TPRG1: variants seen among roughly 807,000 people sequenced by gnomAD.
TPRG1 encodes tumor protein p63-regulated gene 1 protein.
A neutral mutation model predicts 29.3 loss-of-function variants in TPRG1; 29 were observed. The observed-to-expected ratio is 0.99, with a 90% CI of 0.74 to 1.35. The LOEUF is 1.35. Among genes scored for constraint, TPRG1 ranks in the 40% most tolerant of loss-of-function variants. The pLI, the probability that TPRG1 is intolerant of heterozygous loss-of-function variation, is 0.00. For synonymous variants in TPRG1, 130 were observed against 116.8 expected, an observed-to-expected ratio of 1.11 and a Z score of -0.73; for missense variants, 327 against 335.0, an observed-to-expected ratio of 0.98 and a Z score of 0.19.
chr3:189,158,605 T>C (rs1384858621), intron 5 of TPRG1, among the ~76,000 whole-genome samples: 1 of 151,626 alleles, frequency 6.6e-6, no homozygotes, highest in African/African-American at 2.4e-5. Context: ...TAATACTCCA[T>C]CTCAAAAAAT....
intron 3 of TPRG1, among the ~76,000 whole-genome samples, chr3:189,226,069 C>T (rs1237635713): frequency 6.6e-6 from 1 of 152,196 alleles, no homozygotes; most frequent in Non-Finnish European, 1.5e-5. Context: ...GAGACTTCAA[C>T]AGTCTTCTCT....
At chr3:189,312,184 TTTTTC>T (rs1722764086) in intron 5 of TPRG1, among the ~76,000 whole-genome samples, 1 of 42,504 alleles carries the variant, frequency 2.4e-5, no homozygotes, top group Non-Finnish European at 4.7e-5. Context: ...TTTCTTTCTT[TTTTTC>T]TTTCTTTCTT....
At chr3:189,029,683 C>T (rs1483345213) in intron 4 of TPRG1, among the ~76,000 whole-genome samples, 1 of 152,076 alleles carries the variant, frequency 6.6e-6, no homozygotes, top group Non-Finnish European at 1.5e-5. Context: ...ATGTAATCTC[C>T]AATGTTGGAG....
intron 2 of TPRG1, among the ~76,000 whole-genome samples, chr3:189,210,730 G>A (rs535251825): frequency 1.3e-5 from 2 of 152,306 alleles, no homozygotes; most frequent in South Asian, 2.1e-4. Flanking sequence ...AGGGGGAGTC[G>A]CTTGCTCAAT....
intron 4 of TPRG1, among the ~76,000 whole-genome samples, chr3:189,277,620 T>C (rs1716394331): frequency 6.6e-6 from 1 of 152,222 alleles, no homozygotes; most frequent in Non-Finnish European, 1.5e-5. Flanking sequence ...AATCAAAGTT[T>C]AACGTCTTGA....
intron 3 of TPRG1, among the ~76,000 whole-genome samples, chr3:189,017,295 T>A (rs915425294): frequency 5.9e-5 from 9 of 152,032 alleles, no homozygotes; most frequent in African/African-American, 2.2e-4. Flanking sequence ...TAGTTACATA[T>A]GTATACATGT....
chr3:189,308,572 A>C (rs973128302), intron 4 of TPRG1, among the ~76,000 whole-genome samples: 2 of 152,176 alleles, frequency 1.3e-5, no homozygotes, highest in African/African-American at 4.8e-5. Context: ...GAACTTGCAT[A>C]TTTGGAAGTA....
chr3:189,280,215 C>A (rs759244956), intron 4 of TPRG1, among the ~76,000 whole-genome samples: 1 of 150,294 alleles, frequency 6.7e-6, no homozygotes, highest in Non-Finnish European at 1.5e-5. Flanking sequence ...AAAGCAGCCA[C>A]GGGCAATATA....
rs1405868964 is a variant in TPRG1, at chr3:189,215,354, G to C, written c.273G>C (p.Glu91Asp). ...GTCACGTAGCTGAGACTTCTGGAGA[G>C]ACCATTCAAGGCTTCTGGCTCTTGA... is the stretch of plus-strand genomic sequence containing the variant. ...LKGHVAETSG[E>D]TIQGFWLLTK... Residue 91 changes from glutamate to aspartate, a missense_variant, in exon 3 of 6, where the codon GAG (glutamate) becomes GAC (aspartate). Transcript: ENST00000345063. 2 of 1,612,268 alleles carry C rather than the reference G, an allele frequency of 1.2e-6. No homozygotes were observed. Among genetic ancestry groups the C allele is most frequent in the African/African-American group, 1.3e-5 (1 of 74,788 alleles).
At position 189,181,821 on chromosome 3, in the gene TPRG1, A is replaced by G. The variant is rs1011436579; in HGVS notation, c.-10+9690A>G. The stretch of plus-strand genomic sequence containing the variant: ...CTACTAGTACCAATTTACTGTATTC[A>G]TCCGTTTTCACACTGCTGATAAAGA... On this transcript the variant is annotated intron_variant, in intron 1 of 5. Transcript: ENST00000345063. 2.0e-5 allele frequency among the ~76,000 whole-genome samples: 3 copies of G among 152,252 alleles called. No homozygotes were observed. The South Asian group carries it at 6.2e-4, about 32-fold the overall frequency.
intron 4 of TPRG1, among the ~76,000 whole-genome samples, chr3:189,308,958 G>C (rs1478201005): frequency 6.6e-6 from 1 of 151,304 alleles, no homozygotes; most frequent in Non-Finnish European, 1.5e-5. Flanking sequence ...GAAGGAGAGG[G>C]AGAAAGAAAA....
At chr3:189,316,852 T>C (rs1723618620) in intron 5 of TPRG1, among the ~76,000 whole-genome samples, 1 of 152,192 alleles carries the variant, frequency 6.6e-6, no homozygotes, top group South Asian at 2.1e-4. Flanking sequence ...ACAGCGTTCC[T>C]GTCACATAGA....
rs1560430532 is a variant in TPRG1, at chr3:189,078,047, CCTT to C, written c.-462-49008_-462-49006del. ...TCCTTCCTTCCTTCCTTCCTTCCTT[CCTT>C]CCTTCCTTCCTTTCTCTCCTTTCTC... is the stretch of plus-strand genomic sequence containing the variant. On this transcript the variant is annotated intron_variant, in intron 4 of 10. Coordinates refer to the TPRG1 transcript ENST00000433971. 9.7e-3 allele frequency among the ~76,000 whole-genome samples: 1,431 copies of C among 148,232 alleles called. 32 individuals carry two copies. Among genetic ancestry groups the C allele is most frequent in the African/African-American group, 0.035 (1,365 of 38,730 alleles).
chr3:189,202,406 C>A (rs543347553), intron 1 of TPRG1, among the ~76,000 whole-genome samples: 3 of 152,236 alleles, frequency 2.0e-5, no homozygotes, highest in African/African-American at 7.2e-5. Flanking sequence ...TGTGCCAGGA[C>A]CACATTATGA....
chr3:189,068,724 C>T (rs1322826376), intron 4 of TPRG1, among the ~76,000 whole-genome samples: 1 of 151,692 alleles, frequency 6.6e-6, no homozygotes, highest in Admixed American at 6.6e-5. Context: ...TGCGGTGAGC[C>T]GAGATTGTGC....
intron 4 of TPRG1, among the ~76,000 whole-genome samples, chr3:189,293,466 GT>G (rs1158138604): frequency 1.3e-5 from 2 of 152,146 alleles, no homozygotes; most frequent in Non-Finnish European, 2.9e-5. Flanking sequence ...GGGGAAAGGT[GT>G]GGCGGGAAAG....
chr3:189,007,263 A>C (rs1712341507), intron 3 of TPRG1, among the ~76,000 whole-genome samples: 1 of 151,506 alleles, frequency 6.6e-6, no homozygotes, highest in Admixed American at 6.6e-5. Context: ...TCTCAAAAGA[A>C]GACATTTATG....
At chr3:189,178,591 T>C (rs1196972611) in intron 1 of TPRG1, among the ~76,000 whole-genome samples, 1 of 152,238 alleles carries the variant, frequency 6.6e-6, no homozygotes, top group Non-Finnish European at 1.5e-5. Context: ...CATTTTATTT[T>C]ATCTTTCTAC....
At chr3:189,048,347 A>G (rs1364314522) in intron 4 of TPRG1, among the ~76,000 whole-genome samples, 1 of 152,220 alleles carries the variant, frequency 6.6e-6, no homozygotes, top group Non-Finnish European at 1.5e-5. Flanking sequence ...ATCATGCTAT[A>G]AAAAGATGTG....
Sources: gnomAD v4.1 joint callset for allele counts (sites outside exome capture counted in the v4.1 genomes callset) on GRCh38, gnomAD v4.1.1 for gene constraint, MANE v1.5 for transcripts, NCBI Gene and HGNC (gene_info 2026-07-23, HGNC 2026-07-21) for gene names.